Variants in SCRN1 observed in about 807,000 individuals in gnomAD.
SCRN1 encodes the protein secernin-1.
In SCRN1, 19 loss-of-function variants were observed where a neutral mutation model predicts 43.3. The ratio of observed to expected loss-of-function variants is 0.44; its 90% CI spans 0.31 to 0.64. The LOEUF (loss-of-function observed/expected upper bound fraction) is 0.64, where lower values mean the gene tolerates loss of function less well. Among genes scored for constraint, SCRN1 ranks in the 30% least tolerant of loss-of-function variants. The probability of loss-of-function intolerance (pLI) is 0.09; values close to 1 mark genes in which losing one functional copy is unlikely to be tolerated. For missense variants in SCRN1, 447 were observed against 524.1 expected (o/e 0.85, Z 1.44); for synonymous variants, 183 against 188.9 (o/e 0.97, Z 0.26).
chr7:29,978,281 T>C (rs1788891586), intron 1 of SCRN1, among the ~76,000 whole-genome samples: 1 of 152,208 alleles, frequency 6.6e-6, no homozygotes. Context: ...AGAGATTTCC[T>C]ATGGACACTC....
Position 29,944,043 on chromosome 7 carries a change from C to T in SCRN1, c.478G>A (p.Val160Met), listed in dbSNP as rs574523196. Residue 160 changes from valine (V) to methionine (M), a missense_variant, in exon 4 of 8, where the codon GTG becomes ATG. Physicochemically the swap from Val to Met is conservative, Grantham distance 21. Coordinates refer to ENST00000242059, the MANE Select transcript of SCRN1 (RefSeq NM_014766.5). ...CHSFQSAYLIVDRDEAWVLET... is the reference protein window; with the variant it reads ...CHSFQSAYLIMDRDEAWVLET... ...AGCACCCAGGCTTCATCACGATCCA[C>T]AATCAGATATGCACTTTGGAAGCTG... 2.5e-6 allele frequency: 4 copies of T among 1,614,248 alleles called. No homozygotes were observed. The African/African-American group carries it at 5.3e-5, about 22-fold the overall frequency.
Position 29,943,040 on chromosome 7 carries a change from A to G in SCRN1, c.544+937T>C, listed in dbSNP as rs1197678861. Among the ~76,000 whole-genome samples, 3 of 152,208 alleles carry G rather than the reference A, an allele frequency of 2.0e-5. No individual in the cohort carries two copies. In the South Asian group the frequency reaches 6.2e-4, roughly 32 times the overall value. ...ACCCCTAAGATAGGGACGGCACACAAGTTTCATCCCCAACATCATTTTGGA... is the reference window on the plus strand; with the variant it reads ...ACCCCTAAGATAGGGACGGCACACAGGTTTCATCCCCAACATCATTTTGGA... On this transcript the variant is annotated intron_variant, in intron 4 of 7. Coordinates refer to ENST00000242059, the MANE Select transcript of SCRN1 (RefSeq NM_014766.5).
At chr7:29,936,768 C>G in intron 5 of SCRN1, 47 bp from the exon 6 acceptor site, 1 of 1,431,660 alleles carries the variant, frequency 7.0e-7, no homozygotes, top group Non-Finnish European at 9.3e-7. Context: ...AGATATAGGC[C>G]GGGCGCGGTG....
chr7:29,972,431 G>T (rs531073730), intron 1 of SCRN1, among the ~76,000 whole-genome samples: 1 of 152,152 alleles, frequency 6.6e-6, no homozygotes, highest in African/African-American at 2.4e-5. Context: ...ATGGGGTTTT[G>T]GGCAAGCACC....
chr7:29,978,166 T>G (rs1788888471), intron 1 of SCRN1, among the ~76,000 whole-genome samples: 2 of 152,192 alleles, frequency 1.3e-5, no homozygotes, highest in African/African-American at 4.8e-5. Flanking sequence ...AGCAGCGTGG[T>G]GTGGAACAGG....
chr7:29,947,038 G>T (rs1787758553), intron 3 of SCRN1, among the ~76,000 whole-genome samples: 1 of 152,234 alleles, frequency 6.6e-6, no homozygotes. Flanking sequence ...CTGGCCCCAT[G>T]CCTAATTTCA....
At chr7:29,981,648 C>G (rs1285235899) in intron 1 of SCRN1, among the ~76,000 whole-genome samples, 5 of 152,208 alleles carry the variant, frequency 3.3e-5, no homozygotes, top group Non-Finnish European at 7.3e-5. Flanking sequence ...ACTGAGTGAA[C>G]TGACATTCCA....
intron 6 of SCRN1, among the ~76,000 whole-genome samples, chr7:29,934,410 A>G (rs1429540925): frequency 6.6e-6 from 1 of 152,174 alleles, no homozygotes; most frequent in African/African-American, 2.4e-5. Flanking sequence ...GGACAACAGG[A>G]GTTGGTTCAG....
intron 2 of SCRN1, 46 bp from the exon 3 acceptor site, chr7:29,955,406 C>T (rs374366345): frequency 1.3e-6 from 2 of 1,568,992 alleles, no homozygotes; most frequent in Middle Eastern, 1.7e-4. Context: ...CTGTCAGGTA[C>T]CACCTCATTT....
intron 1 of SCRN1, among the ~76,000 whole-genome samples, chr7:29,980,822 C>T (rs1788971081): frequency 6.6e-6 from 1 of 152,002 alleles, no homozygotes; most frequent in African/African-American, 2.4e-5. Flanking sequence ...TATATGAATA[C>T]ATGATTATGT....
chr7:29,927,348 ACCCC>A (rs71557443), intron 6 of SCRN1, among the ~76,000 whole-genome samples: 3 of 105,316 alleles, frequency 2.8e-5, no homozygotes, highest in South Asian at 3.7e-4. Flanking sequence ...AGGATACATC[ACCCC>A]CCCACCCACC....
chr7:29,935,103 C>T (rs899074433), intron 6 of SCRN1, among the ~76,000 whole-genome samples: 1 of 152,230 alleles, frequency 6.6e-6, no homozygotes, highest in South Asian at 2.1e-4. Flanking sequence ...CTTGTACACA[C>T]TTCATCCATG....
At chr7:29,956,386 A>G (rs1788137341) in intron 2 of SCRN1, among the ~76,000 whole-genome samples, 1 of 152,170 alleles carries the variant, frequency 6.6e-6, no homozygotes, top group Non-Finnish European at 1.5e-5. Context: ...TGTGTGGTGG[A>G]CGCTGTATTG....
rs971811796 is a variant in SCRN1, at chr7:29,920,890, C to A, written c.*3067G>T. 9.2e-5 allele frequency: 14 copies of A among 152,188 alleles called. No homozygotes were observed. The highest frequency in any genetic ancestry group is 3.4e-4 in the African/African-American group (14 of 41,436). 9.4% of individuals were successfully genotyped at this position (152,188 alleles called of 1,614,324 possible). ...GCTCTGTTAGTTTATAAGAAAGACT[C>A]GTTCTAATAACACCAGGTCTTATAT... On this transcript the variant is annotated 3_prime_UTR_variant, in exon 8 of 8. Transcript: ENST00000242059.
chr7:29,924,524 C>T (rs369792738), intron 7 of SCRN1, among the ~76,000 whole-genome samples: 1 of 152,214 alleles, frequency 6.6e-6, no homozygotes, highest in Non-Finnish European at 1.5e-5. Context: ...GCTTGGTCGA[C>T]GTGCACCCAT....
chr7:29,976,786 C>T (rs986338348), intron 1 of SCRN1, among the ~76,000 whole-genome samples: 2 of 152,206 alleles, frequency 1.3e-5, no homozygotes, highest in Non-Finnish European at 2.9e-5. Context: ...AGTAGTGCTT[C>T]CCTGGAGTTT....
chr7:29,985,135 G>A lies in SCRN1; in HGVS notation c.-2+4507C>T, dbSNP rs1051665540. Among the ~76,000 whole-genome samples, 4 of 143,754 alleles carry A rather than the reference G, an allele frequency of 2.8e-5. 1 individual carries two copies. The highest frequency in any genetic ancestry group is 6.1e-5 in the Non-Finnish European group (4 of 65,630). 94.3% of individuals were successfully genotyped at this position (143,754 alleles called of 152,430 possible). ...AAAGGAAGGAGACTGGGCTGGGCGC[G>A]GTGGCTCACACCTGTAATCCCAGCA... On this transcript the variant is annotated intron_variant, in intron 1 of 7. Coordinates refer to ENST00000242059, the MANE Select transcript of SCRN1 (RefSeq NM_014766.5).
At chr7:29,932,651 CAAAAAAAA>C (rs1162835669) in intron 6 of SCRN1, among the ~76,000 whole-genome samples, 92 of 8,034 alleles carry the variant, frequency 0.011, no homozygotes, top group African/African-American at 0.037. Context: ...GATTCCATCT[CAAAAAAAA>C]AAAAAAAAAA....
At chr7:29,979,976 C>A (rs1788949121) in intron 1 of SCRN1, among the ~76,000 whole-genome samples, 1 of 152,160 alleles carries the variant, frequency 6.6e-6, no homozygotes, top group Non-Finnish European at 1.5e-5. Flanking sequence ...TCCCTACAGG[C>A]TAGACCTATG....
Sources: allele counts gnomAD v4.1 joint callset (sites outside exome capture counted in the v4.1 genomes callset), GRCh38; gene constraint gnomAD v4.1.1; transcripts MANE v1.5; gene names NCBI Gene and HGNC (gene_info 2026-07-23, HGNC 2026-07-21).